The following SCD5 variants were observed in gnomAD, a reference collection of about 807,000 sequenced individuals.
The protein encoded by SCD5 is stearoyl-CoA desaturase 5.
In SCD5, 20 loss-of-function variants were observed where a neutral mutation model predicts 30.4. The ratio of observed to expected loss-of-function variants is 0.66; its 90% CI spans 0.46 to 0.96. The LOEUF (loss-of-function observed/expected upper bound fraction) is 0.96, where lower values mean the gene tolerates loss of function less well. SCD5 is among the 40% of genes least tolerant of loss of function. The probability of loss-of-function intolerance (pLI) is 0.00; values close to 1 mark genes in which losing one functional copy is unlikely to be tolerated. For synonymous variants in SCD5, 173 were observed against 176.4 expected, an observed-to-expected ratio of 0.98 and a Z score of 0.16; for missense variants, 381 against 443.3, an observed-to-expected ratio of 0.86 and a Z score of 1.26.
chr4:82,760,039 C>A (rs566523078), intron 1 of SCD5, among the ~76,000 whole-genome samples: 3 of 152,126 alleles, frequency 2.0e-5, no homozygotes, highest in Non-Finnish European at 4.4e-5. Context: ...ACCTCCATAA[C>A]CCCTGAAGCA....
intron 4 of SCD5, 112 bp downstream of exon 4, chr4:82,636,479 C>A: frequency 1.1e-5 from 8 of 746,848 alleles, no homozygotes; most frequent in South Asian, 1.9e-5. Context: ...CTCAAGTTCA[C>A]TGAACTCCAT....
At chr4:82,727,213 A>G (rs1024968419) in intron 1 of SCD5, among the ~76,000 whole-genome samples, 69 of 152,212 alleles carry the variant, frequency 4.5e-4, no homozygotes, top group Non-Finnish European at 1.2e-4. Context: ...GGGTGTAACA[A>G]TGATATGCAG....
intron 3 of SCD5, among the ~76,000 whole-genome samples, chr4:82,645,275 C>A (rs1403243728): frequency 6.7e-6 from 1 of 149,616 alleles, no homozygotes; most frequent in Non-Finnish European, 1.5e-5. Flanking sequence ...GATTGTGCCA[C>A]TGCACTCCAG....
At chr4:82,728,567 A>T (rs1720555756) in intron 1 of SCD5, among the ~76,000 whole-genome samples, 1 of 152,084 alleles carries the variant, frequency 6.6e-6, no homozygotes, top group Non-Finnish European at 1.5e-5. Context: ...TATCTTTCAG[A>T]CTAACCCCAT....
intron 1 of SCD5, among the ~76,000 whole-genome samples, chr4:82,777,581 C>T (rs1013849746): frequency 1.3e-5 from 2 of 152,192 alleles, no homozygotes; most frequent in Admixed American, 6.5e-5. Context: ...GGGCCTCATG[C>T]GTGGTTAAAT....
chr4:82,746,643 T>G (rs1463974369), intron 1 of SCD5, among the ~76,000 whole-genome samples: 1 of 152,104 alleles, frequency 6.6e-6, no homozygotes. Context: ...AAAAGGTGAC[T>G]GACAAGGTAA....
At chr4:82,795,986 A>G (rs1722205569) in intron 1 of SCD5, among the ~76,000 whole-genome samples, 1 of 150,660 alleles carries the variant, frequency 6.6e-6, no homozygotes, top group African/African-American at 2.4e-5. Context: ...ATTAAGACTT[A>G]CGGGCCGGGC....
chr4:82,772,862 C>T (rs1238517320), intron 1 of SCD5, among the ~76,000 whole-genome samples: 1 of 152,166 alleles, frequency 6.6e-6, no homozygotes, highest in African/African-American at 2.4e-5. Context: ...CATTGCCTCT[C>T]ATAGTGCCTG....
intron 1 of SCD5, among the ~76,000 whole-genome samples, chr4:82,773,988 C>T (rs1481929270): frequency 6.6e-6 from 1 of 151,432 alleles, no homozygotes; most frequent in East Asian, 1.9e-4. Flanking sequence ...ACTCGGGAGG[C>T]TGAGGCAGAA....
At chr4:82,713,087 C>T (rs28464083) in intron 1 of SCD5, among the ~76,000 whole-genome samples, 59,903 of 152,044 alleles carry the variant, frequency 0.39, 12,536 homozygotes, top group African/African-American at 0.53. Flanking sequence ...TCTACTGTGC[C>T]GCATATGAGC....
At chr4:82,661,363 C>G (rs772978839) in intron 3 of SCD5, among the ~76,000 whole-genome samples, 2 of 152,198 alleles carry the variant, frequency 1.3e-5, no homozygotes, top group African/African-American at 2.4e-5. Flanking sequence ...TCAACAAATT[C>G]ATTACTTACA....
At chr4:82,748,913 GTCACTAAATGACACCAT>G (rs1482260464) in intron 1 of SCD5, among the ~76,000 whole-genome samples, 1 of 152,146 alleles carries the variant, frequency 6.6e-6, no homozygotes, top group Non-Finnish European at 1.5e-5. Flanking sequence ...CAGTGCATGA[GTCACTAAATGACACCAT>G]TTTCAAGCAG....
intron 1 of SCD5, among the ~76,000 whole-genome samples, chr4:82,725,506 A>T (rs764245029): frequency 6.6e-6 from 1 of 152,152 alleles, no homozygotes; most frequent in Non-Finnish European, 1.5e-5. Context: ...TTTTTCTTCC[A>T]TATGTTACTG....
At chr4:82,706,753 C>T (rs1719980069) in intron 1 of SCD5, among the ~76,000 whole-genome samples, 1 of 152,264 alleles carries the variant, frequency 6.6e-6, no homozygotes, top group Non-Finnish European at 1.5e-5. Flanking sequence ...CCCACAAGAG[C>T]TAAACCTGCC....
chr4:82,778,094 AC>A (rs1721792199), intron 1 of SCD5, among the ~76,000 whole-genome samples: 1 of 152,182 alleles, frequency 6.6e-6, no homozygotes, highest in Admixed American at 6.5e-5. Flanking sequence ...GGAAGTTATT[AC>A]CCTCAGCAGA....
chr4:82,747,762 T>C (rs982932334), intron 1 of SCD5, among the ~76,000 whole-genome samples: 3 of 152,192 alleles, frequency 2.0e-5, no homozygotes, highest in African/African-American at 7.2e-5. Flanking sequence ...TGCACCTCTC[T>C]TTCTATAAAA....
chr4:82,786,175 G>A (rs1189092455), intron 1 of SCD5, among the ~76,000 whole-genome samples: 1 of 152,208 alleles, frequency 6.6e-6, no homozygotes. Context: ...AGGGAGAAGG[G>A]TAGAGACCTG....
At chr4:82,772,568 G>C in intron 1 of SCD5, among the ~76,000 whole-genome samples, 1 of 152,170 alleles carries the variant, frequency 6.6e-6, no homozygotes, top group Non-Finnish European at 1.5e-5. Flanking sequence ...AAATGGTCTC[G>C]CTATGGCTGG....
intron 3 of SCD5, among the ~76,000 whole-genome samples, chr4:82,676,377 C>T (rs1728436574): frequency 6.6e-6 from 1 of 152,206 alleles, no homozygotes; most frequent in Non-Finnish European, 1.5e-5. Flanking sequence ...CGGATAGGTT[C>T]ACCCCAACAT....
Sources: allele counts gnomAD v4.1 joint callset (sites outside exome capture counted in the v4.1 genomes callset), GRCh38; gene constraint gnomAD v4.1.1; transcripts MANE v1.5; gene names NCBI Gene and HGNC (gene_info 2026-07-23, HGNC 2026-07-21).